PRH1: variants seen among roughly 807,000 people sequenced by gnomAD.
The protein encoded by PRH1 is proline rich protein HaeIII subfamily 1.
In PRH1, 7 loss-of-function variants were observed where a neutral mutation model predicts 7.9. That is an observed-to-expected ratio of 0.89 (90% CI 0.50 to 1.67). The LOEUF is 1.67. PRH1 is among the 40% of genes most tolerant of loss of function. PRH1 has a pLI of 0.00. For missense variants in PRH1, 109 were observed against 223.6 expected, an observed-to-expected ratio of 0.49 and a Z score of 3.27; for synonymous variants, 45 against 80.8, an observed-to-expected ratio of 0.56 and a Z score of 2.38.
intron 1 of PRH1, among the ~76,000 whole-genome samples, chr12:11,151,779 T>A (rs1021346694): frequency 6.6e-6 from 1 of 152,222 alleles, no homozygotes; most frequent in Non-Finnish European, 1.5e-5. Flanking sequence ...AATTTTCTAT[T>A]ATAATTGGGT....
chr12:10,887,203 C>A (rs1242586504), upstream of PRH1, among the ~76,000 whole-genome samples: 1 of 152,114 alleles, frequency 6.6e-6, no homozygotes, highest in African/African-American at 2.4e-5. Context: ...GCCTGGAACA[C>A]TAAAGATGGT....
chr12:10,907,622 A>G (rs1949824430), intron 2 of PRH1, among the ~76,000 whole-genome samples: 1 of 152,118 alleles, frequency 6.6e-6, no homozygotes, highest in Non-Finnish European at 1.5e-5. Flanking sequence ...CCAAAAGCAG[A>G]TAAGTAGTTG....
rs1292568602 is a variant in PRH1, at chr12:11,096,411, T to A, written n.124-49223A>T. 5.0e-4 allele frequency among the ~76,000 whole-genome samples: 58 copies of A among 116,562 alleles called. 18 individuals are homozygous for A. The highest frequency in any genetic ancestry group is 1.1e-3 in the Non-Finnish European group (54 of 49,252). 76.5% of individuals were successfully genotyped at this position (116,562 alleles called of 152,430 possible). On this transcript the variant is annotated intron_variant and non_coding_transcript_variant, in intron 1 of 4. Coordinates refer to the PRH1 transcript ENST00000541977. ...GTAGAAATGAACTTTTTGTTCTCCT[T>A]ATATAAATCGTTTTCTAACGGAGAA...
intron 2 of PRH1, among the ~76,000 whole-genome samples, chr12:10,933,633 C>T (rs996926309): frequency 1.3e-5 from 2 of 151,944 alleles, no homozygotes; most frequent in South Asian, 4.1e-4. Context: ...AAGATGCCAA[C>T]GTTGTCTTTG....
At chr12:11,090,172 T>C (rs1944832239) in intron 1 of PRH1, among the ~76,000 whole-genome samples, 1 of 106,624 alleles carries the variant, frequency 9.4e-6, no homozygotes, top group African/African-American at 3.0e-5. Context: ...CACCCTTTCA[T>C]TTCATCATTG....
intron 2 of PRH1, among the ~76,000 whole-genome samples, chr12:10,891,146 G>T (rs919064703): frequency 6.6e-6 from 1 of 152,156 alleles, no homozygotes; most frequent in African/African-American, 2.4e-5. Flanking sequence ...TAGAGGTAAA[G>T]AAGTTATCAG....
intron 2 of PRH1, among the ~76,000 whole-genome samples, chr12:10,910,170 C>T (rs957887535): frequency 4.6e-5 from 7 of 152,328 alleles, no homozygotes; most frequent in Admixed American, 2.0e-4. Context: ...CCAAGACCCC[C>T]AGTGGATGCC....
At chr12:11,028,932 T>C (rs1266635086) in intron 1 of PRH1, among the ~76,000 whole-genome samples, 5 of 152,264 alleles carry the variant, frequency 3.3e-5, no homozygotes, top group Non-Finnish European at 7.3e-5. Context: ...TTTGTGTGAG[T>C]TTCCTTTTCA....
chr12:10,908,804 C>G (rs1331196315), intron 2 of PRH1: 1 of 1,613,794 alleles, frequency 6.2e-7, no homozygotes, highest in Non-Finnish European at 8.5e-7. Flanking sequence ...TACTGAAATT[C>G]CAAGTTGTGT....
intron 2 of PRH1, chr12:10,938,788 G>A (rs1295619821): frequency 6.2e-7 from 1 of 1,613,328 alleles, no homozygotes; most frequent in Non-Finnish European, 8.5e-7. Flanking sequence ...TTAAAAACAA[G>A]AAGACCGAAG....
chr12:10,894,898 T>C (rs1211010619), intron 2 of PRH1: 1 of 152,188 alleles, frequency 6.6e-6, no homozygotes, highest in Non-Finnish European at 1.5e-5. Context: ...CCTGTTCTTC[T>C]TCCTTTTTTT....
At chr12:10,974,854 G>A (rs987313759) in intron 1 of PRH1, among the ~76,000 whole-genome samples, 1 of 152,166 alleles carries the variant, frequency 6.6e-6, no homozygotes, top group Admixed American at 6.5e-5. Flanking sequence ...AGATCAATGA[G>A]ATTCAGGAGA....
Position 11,062,266 on chromosome 12 carries a change from G to A in PRH1, n.124-15078C>T, listed in dbSNP as rs540344507. 1.9e-6 allele frequency: 3 copies of A among 1,610,128 alleles called. No homozygotes were observed. In the South Asian group the frequency reaches 3.3e-5, roughly 18 times the overall value. On this transcript the variant is annotated intron_variant and non_coding_transcript_variant, in intron 1 of 4. Coordinates refer to the PRH1 transcript ENST00000541977. ...CACAAATGTAACCACTATTAGAATG[G>A]AAAAAATGATGGGCAGAAAAGTTAT...
intron 1 of PRH1, among the ~76,000 whole-genome samples, chr12:11,054,795 CTTTTTTTTT>C (rs71051560): frequency 3.0e-4 from 16 of 52,796 alleles, no homozygotes; most frequent in Admixed American, 9.1e-4. Flanking sequence ...TCTGATGTTT[CTTTTTTTTT>C]TTTTTTTTTT....
At chr12:11,026,866 T>C (rs1941941767) in intron 1 of PRH1, among the ~76,000 whole-genome samples, 1 of 152,252 alleles carries the variant, frequency 6.6e-6, no homozygotes, top group Admixed American at 6.5e-5. Flanking sequence ...TCAAAACAAT[T>C]TGCCTTGTAT....
At chr12:11,053,842 T>C (rs923344370) in intron 1 of PRH1, among the ~76,000 whole-genome samples, 4 of 151,936 alleles carry the variant, frequency 2.6e-5, no homozygotes, top group African/African-American at 2.4e-5. Flanking sequence ...GTGTGTGAGA[T>C]GGAGTTTCGC....
At chr12:11,071,189 T>A (rs186570665) in intron 1 of PRH1, among the ~76,000 whole-genome samples, 1 of 151,342 alleles carries the variant, frequency 6.6e-6, no homozygotes, top group Non-Finnish European at 1.5e-5. Flanking sequence ...ACAGAATTTT[T>A]ACCTCCAGGA....
At chr12:11,066,055 T>A (rs1490045351) in intron 1 of PRH1, among the ~76,000 whole-genome samples, 6 of 152,212 alleles carry the variant, frequency 3.9e-5, no homozygotes, top group African/African-American at 1.4e-4. Context: ...AATCAAGACT[T>A]CTTCATTTAT....
chr12:10,971,485 G>A (rs1319852808), intron 2 of PRH1, among the ~76,000 whole-genome samples: 1 of 151,806 alleles, frequency 6.6e-6, no homozygotes, highest in African/African-American at 2.4e-5. Context: ...ATATAGGTAT[G>A]CCATAATTTA....
Sources: allele counts gnomAD v4.1 joint callset (sites outside exome capture counted in the v4.1 genomes callset), GRCh38; gene constraint gnomAD v4.1.1; transcripts MANE v1.5; gene names NCBI Gene and HGNC (gene_info 2026-07-23, HGNC 2026-07-21).